Variants in MAGI2 observed in about 807,000 individuals in gnomAD.
MAGI2 encodes membrane-associated guanylate kinase, WW and PDZ domain-containing protein 2.
MAGI2 carries 35 observed loss-of-function variants against 133.3 expected under a neutral mutation model. The ratio of observed to expected loss-of-function variants is 0.26; its 90% confidence interval spans 0.20 to 0.35. MAGI2 has a LOEUF of 0.35. MAGI2 is among the 10% of genes least tolerant of loss of function. The pLI is 1.00. For missense variants in MAGI2, 1,636 were observed against 1,863.4 expected, an observed-to-expected ratio of 0.88 and a Z score of 2.25; for synonymous variants, 729 against 710.6, an observed-to-expected ratio of 1.03 and a Z score of -0.41.
At chr7:78,664,937 T>C (rs1813383766) in intron 2 of MAGI2, among the ~76,000 whole-genome samples, 1 of 152,096 alleles carries the variant, frequency 6.6e-6, no homozygotes. Flanking sequence ...TTATTCTATG[T>C]ATAAATTTCA....
chr7:78,823,555 C>A (rs1481695211), intron 2 of MAGI2, among the ~76,000 whole-genome samples: 2 of 136,482 alleles, frequency 1.5e-5, no homozygotes, highest in Non-Finnish European at 3.0e-5. Flanking sequence ...TGCACTCCAG[C>A]CTGGGTGACA....
chr7:78,292,891 C>A (rs910801330), intron 9 of MAGI2, among the ~76,000 whole-genome samples: 1 of 152,150 alleles, frequency 6.6e-6, no homozygotes, highest in Non-Finnish European at 1.5e-5. Flanking sequence ...ATGTAGAAAG[C>A]TGAAACTGGA....
chr7:79,082,704 T>C (rs1816147142), intron 1 of MAGI2, among the ~76,000 whole-genome samples: 1 of 152,024 alleles, frequency 6.6e-6, no homozygotes, highest in Non-Finnish European at 1.5e-5. Context: ...TGAGATTCCA[T>C]GTGTATCTTA....
intron 1 of MAGI2, among the ~76,000 whole-genome samples, chr7:79,137,406 G>A (rs1206764170): frequency 6.6e-6 from 1 of 151,588 alleles, no homozygotes; most frequent in African/African-American, 2.4e-5. Context: ...ATGAGATGTT[G>A]AGGGGACATA....
chr7:78,941,124 C>T (rs1800931044), intron 2 of MAGI2, among the ~76,000 whole-genome samples: 1 of 152,122 alleles, frequency 6.6e-6, no homozygotes, highest in South Asian at 2.1e-4. Flanking sequence ...GTCTATATAG[C>T]ACAGTTGGAA....
intron 6 of MAGI2, among the ~76,000 whole-genome samples, chr7:78,420,619 C>T (rs118146288): frequency 9.9e-4 from 151 of 151,766 alleles, no homozygotes; most frequent in Non-Finnish European, 1.4e-3. Context: ...TGACACTTTC[C>T]AATTCTCTGG....
intron 2 of MAGI2, among the ~76,000 whole-genome samples, chr7:78,784,915 C>A (rs933649682): frequency 1.3e-5 from 2 of 152,138 alleles, no homozygotes; most frequent in African/African-American, 2.4e-5. Context: ...CATCTCTACA[C>A]CCTTAAATAA....
intron 10 of MAGI2, among the ~76,000 whole-genome samples, chr7:78,208,135 CTTTTTTTT>C (rs71085515): frequency 8.7e-6 from 1 of 115,588 alleles, no homozygotes; most frequent in Non-Finnish European, 1.7e-5. Context: ...CCCAAAGTGG[CTTTTTTTT>C]TTTTTTTTTT....
At chr7:78,040,002 T>C (rs1810630898) in intron 21 of MAGI2, among the ~76,000 whole-genome samples, 1 of 152,214 alleles carries the variant, frequency 6.6e-6, no homozygotes, top group African/African-American at 2.4e-5. Context: ...GGGAGGTTAA[T>C]CCTCACAGTA....
At chr7:79,299,979 CT>C (rs937136785) in intron 1 of MAGI2, among the ~76,000 whole-genome samples, 20 of 152,148 alleles carry the variant, frequency 1.3e-4, no homozygotes, top group African/African-American at 4.8e-4. Context: ...TGAGACCCCC[CT>C]AGAGGCAGCT....
At chr7:78,533,526 G>T (rs762152006) in intron 3 of MAGI2, among the ~76,000 whole-genome samples, 9 of 152,122 alleles carry the variant, frequency 5.9e-5, no homozygotes, top group Admixed American at 2.0e-4. Flanking sequence ...ACACACATAA[G>T]GTCATCTGTG....
At chr7:78,715,945 A>G in intron 2 of MAGI2, among the ~76,000 whole-genome samples, 1 of 128,284 alleles carries the variant, frequency 7.8e-6, no homozygotes, top group East Asian at 2.1e-4. Context: ...TCTTGGAATC[A>G]TAATTTCATT....
At chr7:78,515,419 G>T (rs1795954552) in intron 4 of MAGI2, among the ~76,000 whole-genome samples, 4 of 151,964 alleles carry the variant, frequency 2.6e-5, no homozygotes, top group Admixed American at 2.6e-4. Flanking sequence ...TCAAACTTAG[G>T]AAACACTGCA....
chr7:79,452,945 G>A lies in MAGI2; in HGVS notation c.301+75C>T, dbSNP rs146196083. ...GCAACACACCCCCTTCAACATGCGC[G>A]GCCACCCTTTCATTGCCCTGCGCCC... is the stretch of plus-strand genomic sequence containing the variant. On this transcript the variant is annotated intron_variant, in intron 1 of 21. Coordinates refer to ENST00000354212, the MANE Select transcript of MAGI2 (RefSeq NM_012301.4). 36 of 1,442,618 alleles carry A rather than the reference G, an allele frequency of 2.5e-5. No homozygotes were observed. The African/African-American group carries it at 5.0e-4, about 20-fold the overall frequency. The allele number at this position is 1,442,618 out of a possible 1,614,324, so 89.4% of individuals were successfully genotyped here. A position where few individuals can be genotyped will look rare whatever the true frequency, so the allele number is the denominator to read the frequency against.
At chr7:78,134,720 C>T in intron 17 of MAGI2, 1 of 254,922 alleles carries the variant, frequency 3.9e-6, no homozygotes, top group East Asian at 7.7e-5. Flanking sequence ...TTAATATAAC[C>T]ATAAAAGTGG....
chr7:78,104,877 GAA>G (rs956523747), intron 20 of MAGI2, among the ~76,000 whole-genome samples: 3 of 152,080 alleles, frequency 2.0e-5, no homozygotes, highest in African/African-American at 7.2e-5. Flanking sequence ...TATCAAAGTA[GAA>G]AAGAGATTAT....
In MAGI2 at chr7:79,268,010, A is replaced by G. The variant is rs150948400; in HGVS notation, c.301+185010T>C. 4.2e-4 allele frequency among the ~76,000 whole-genome samples: 64 copies of G among 152,264 alleles called. No individual in the cohort carries two copies. In the East Asian group the frequency reaches 0.012, roughly 28 times the overall value. ...ATTCTTCAGTTTTCCTTCCTACAGT[A>G]TGAGTTTAATCGCCCCTGGTCAATG... is the stretch of plus-strand genomic sequence containing the variant. On this transcript the variant is annotated intron_variant, in intron 1 of 21. Transcript: ENST00000354212.
At chr7:79,452,940 T>C (rs114233436) in intron 1 of MAGI2, 80 bp downstream of exon 1, 2 of 1,440,202 alleles carry the variant, frequency 1.4e-6, no homozygotes, top group African/African-American at 1.4e-5. Context: ...CCCTTCAACA[T>C]GCGCGGCCAC....
At chr7:79,450,708 A>G (rs1849180007) in intron 1 of MAGI2, among the ~76,000 whole-genome samples, 1 of 152,164 alleles carries the variant, frequency 6.6e-6, no homozygotes, top group Admixed American at 6.5e-5. Context: ...ATCTCCAACC[A>G]CATTAGATCA....
Sources: allele counts gnomAD v4.1 joint callset (sites outside exome capture counted in the v4.1 genomes callset), GRCh38; gene constraint gnomAD v4.1.1; transcripts MANE v1.5; gene names NCBI Gene and HGNC (gene_info 2026-07-23, HGNC 2026-07-21).